HDAC1: variants seen among roughly 807,000 people sequenced by gnomAD.
The protein encoded by HDAC1 is histone deacetylase 1.
A neutral mutation model predicts 65.5 loss-of-function variants in HDAC1; 18 were observed. The ratio of observed to expected loss-of-function variants is 0.27; its 90% CI spans 0.19 to 0.41. The LOEUF is 0.41. HDAC1 is among the 10% of genes least tolerant of loss of function. The pLI is 1.00. For synonymous variants in HDAC1, 211 were observed against 227.9 expected (o/e 0.93, Z 0.67); for missense variants, 373 against 625.2 (o/e 0.60, Z 4.30).
At chr1:32,316,431 C>CAAG (rs1641065400) in intron 2 of HDAC1, among the ~76,000 whole-genome samples, 1 of 152,218 alleles carries the variant, frequency 6.6e-6, no homozygotes, top group African/African-American at 2.4e-5. Flanking sequence ...CAGTAACTTG[C>CAAG]CTAAGCAACA....
At chr1:32,300,150 G>A (rs1380237641) in intron 1 of HDAC1, among the ~76,000 whole-genome samples, 1 of 152,172 alleles carries the variant, frequency 6.6e-6, no homozygotes, top group Non-Finnish European at 1.5e-5. Context: ...TTAGCTGTGT[G>A]ATCTTGAGCA....
intron 2 of HDAC1, among the ~76,000 whole-genome samples, chr1:32,310,562 AAGAC>A (rs1046269419): frequency 3.4e-4 from 52 of 152,200 alleles, no homozygotes; most frequent in African/African-American, 1.2e-3. Flanking sequence ...AAAAAAGAAA[AAGAC>A]AGGCCGGGCG....
intron 2 of HDAC1, among the ~76,000 whole-genome samples, chr1:32,314,562 C>T (rs1416591224): frequency 1.3e-5 from 2 of 152,004 alleles, no homozygotes; most frequent in East Asian, 3.9e-4. Flanking sequence ...CAAGGTGGCT[C>T]ATGCCTGTAA....
intron 2 of HDAC1, among the ~76,000 whole-genome samples, chr1:32,309,157 A>G (rs1386473784): frequency 2.0e-5 from 3 of 152,180 alleles, no homozygotes; most frequent in Non-Finnish European, 4.4e-5. Flanking sequence ...AGCAGGTGCT[A>G]TATGTCAGGC....
intron 2 of HDAC1, among the ~76,000 whole-genome samples, chr1:32,312,643 G>A (rs1641006000): frequency 6.6e-6 from 1 of 151,468 alleles, no homozygotes; most frequent in African/African-American, 2.4e-5. Context: ...TTACAGGCGT[G>A]AGCCACTGTG....
At chr1:32,321,780 C>G (rs1167232859) in intron 3 of HDAC1, among the ~76,000 whole-genome samples, 1 of 152,008 alleles carries the variant, frequency 6.6e-6, no homozygotes, top group Non-Finnish European at 1.5e-5. Flanking sequence ...ATGGAGGCTC[C>G]ATATCCCAAA....
In HDAC1 at chr1:32,331,510, C is replaced by T; in HGVS notation, c.1016C>T (p.Pro339Leu). The change falls in exon 10 of 14, where the codon CCA (proline) becomes CTA (leucine). Residue 339 changes from proline to leucine, a missense_variant. Physicochemically the swap from Pro to Leu is moderately conservative, Grantham distance 98. Coordinates refer to ENST00000373548, the MANE Select transcript of HDAC1 (RefSeq NM_004964.3). The surrounding 1 kb of genome is among the most constrained non-coding windows in gnomAD (Gnocchi z 4.2). Reference protein sequence around the residue: ...PYNDYFEYFGPDFKLHISPSN... With the variant: ...PYNDYFEYFGLDFKLHISPSN... The stretch of plus-strand genomic sequence containing the variant: ...AATGACTACTTTGAATACTTTGGAC[C>T]AGATTTCAAGCTCCACATCAGTCCT... The T allele has an allele frequency of 3.1e-6, 5 of 1,612,086 alleles. No individual in the cohort carries two copies. Among genetic ancestry groups the T allele is most frequent in the Non-Finnish European group, 4.2e-6 (5 of 1,178,176 alleles).
rs1385718486 is a variant in HDAC1 at position 32,319,731 on chromosome 1, CTT to C, written c.280+2950_280+2951del. On this transcript the variant is annotated intron_variant, in intron 3 of 13. Transcript: ENST00000373548. ...GGGCAGCATAGTGAGACCCCCATCT[CTT>C]ATTTTATCTTAAAAAAATAAAAATA... Among the ~76,000 whole-genome samples the C allele has an allele frequency of 1.2e-4, 18 of 152,040 alleles. No individual in the cohort carries two copies. In the East Asian group the frequency reaches 3.5e-3, roughly 29 times the overall value.
chr1:32,317,555 T>A (rs919155526), intron 3 of HDAC1, among the ~76,000 whole-genome samples: 1 of 152,208 alleles, frequency 6.6e-6, no homozygotes. Flanking sequence ...TGTTTGTTGC[T>A]GCTGACCACA....
At chr1:32,320,593 G>T (rs542940069) in intron 3 of HDAC1, among the ~76,000 whole-genome samples, 1 of 152,050 alleles carries the variant, frequency 6.6e-6, no homozygotes, top group East Asian at 1.9e-4. Context: ...AAAATATAGT[G>T]TATATAAAAT....
chr1:32,331,712 C>A lies in HDAC1; in HGVS notation c.1125C>A (p.His375Gln). The A allele has an allele frequency of 6.2e-7, 1 of 1,614,006 alleles. No individual in the cohort carries two copies. The change falls in exon 11 of 14, where the codon CAC (histidine) becomes CAA (glutamine). Residue 375 changes from histidine (H) to glutamine (Q), a missense_variant. Physicochemically the swap from His to Gln is conservative, Grantham distance 24. Around this residue, in one of 4 missense-constraint regions of HDAC1, gnomAD observed 105 missense variants for 192.6 expected, o/e 0.55. Coordinates refer to ENST00000373548, the MANE Select transcript of HDAC1 (RefSeq NM_004964.3). This position sits in a 1 kb window ranked among gnomAD's most constrained non-coding sequence, Gnocchi z 4.2. Reference sequence around the variant, plus strand: ...TTGAGAACCTTAGAATGCTGCCGCACGCACCTGGGGTCCAAATGCAGGCGA... The same window carrying A: ...TTGAGAACCTTAGAATGCTGCCGCAAGCACCTGGGGTCCAAATGCAGGCGA... ...RLFENLRMLP[H>Q]APGVQMQAIP...
intron 1 of HDAC1, among the ~76,000 whole-genome samples, chr1:32,292,624 T>A (rs888753285): frequency 1.3e-5 from 2 of 151,410 alleles, no homozygotes; most frequent in Non-Finnish European, 1.5e-5. Context: ...GGGGGAAGAG[T>A]CCTGCACGAC....
Position 32,310,606 on chromosome 1 carries a change from T to G in HDAC1, c.163-6059T>G, listed in dbSNP as rs142859951. ...GGCTCACGCTTGTAGTCCCAGCACT[T>G]TGGGAGGCTGAGGCGGATGGATCAC... On this transcript the variant is annotated intron_variant, in intron 2 of 13. Coordinates refer to ENST00000373548, the MANE Select transcript of HDAC1 (RefSeq NM_004964.3). Among the ~76,000 whole-genome samples, 924 of 152,126 alleles carry G rather than the reference T, an allele frequency of 6.1e-3. 7 individuals are homozygous for G. The highest frequency in any genetic ancestry group is 0.021 in the African/African-American group (874 of 41,520).
chr1:32,306,453 C>T (rs375305842), intron 2 of HDAC1, among the ~76,000 whole-genome samples: 2 of 152,094 alleles, frequency 1.3e-5, no homozygotes, highest in African/African-American at 4.8e-5. Context: ...CCATGGCGCC[C>T]GGCCTCTTTT....
intron 1 of HDAC1, among the ~76,000 whole-genome samples, chr1:32,294,303 C>T (rs1557597593): frequency 6.6e-6 from 1 of 151,682 alleles, no homozygotes; most frequent in Non-Finnish European, 1.5e-5. Context: ...CGTGCGCCAC[C>T]ATGCCTGGCT....
At chr1:32,309,456 G>A (rs1487694521) in intron 2 of HDAC1, among the ~76,000 whole-genome samples, 1 of 152,120 alleles carries the variant, frequency 6.6e-6, no homozygotes, top group African/African-American at 2.4e-5. Context: ...GGAGGCCGAG[G>A]CAGGCGGATC....
intron 1 of HDAC1, among the ~76,000 whole-genome samples, chr1:32,294,964 T>G (rs1239800008): frequency 2.6e-5 from 4 of 152,072 alleles, no homozygotes; most frequent in South Asian, 2.1e-4. Flanking sequence ...ACTGTTTTTT[T>G]TGTTGTTGTT....
intron 1 of HDAC1, among the ~76,000 whole-genome samples, chr1:32,298,070 T>C (rs1291101622): frequency 6.9e-6 from 1 of 144,804 alleles, no homozygotes; most frequent in Non-Finnish European, 1.5e-5. Flanking sequence ...ATTACAGGCG[T>C]GAGCCAGCGC....
intron 13 of HDAC1, 128 bp downstream of exon 13, chr1:32,332,877 G>A (rs2148074320): frequency 8.6e-7 from 1 of 1,164,614 alleles, no homozygotes; most frequent in Non-Finnish European, 1.3e-6. Context: ...GGACCAGTCT[G>A]TCCAGCTCTG....
Sources: allele counts gnomAD v4.1 joint callset (sites outside exome capture counted in the v4.1 genomes callset), GRCh38; gene constraint gnomAD v4.1.1; regional missense constraint gnomAD v4.1.1; non-coding constraint Gnocchi (gnomAD v3.1); transcripts MANE v1.5; gene names NCBI Gene and HGNC (gene_info 2026-07-23, HGNC 2026-07-21).